Variants in RCOR3 observed in about 807,000 individuals in gnomAD.
RCOR3 encodes REST corepressor 3.
In RCOR3, 13 loss-of-function variants were observed where a neutral mutation model predicts 64.1. The ratio of observed to expected loss-of-function variants is 0.20; its 90% CI spans 0.13 to 0.32. The LOEUF (loss-of-function observed/expected upper bound fraction) is 0.32. Ranked by LOEUF, RCOR3 falls within the 10% of genes least tolerant of loss-of-function variation. The pLI is 1.00. For synonymous variants in RCOR3, 215 were observed against 239.0 expected, an observed-to-expected ratio of 0.90 and a Z score of 0.93; for missense variants, 489 against 701.2, an observed-to-expected ratio of 0.70 and a Z score of 3.42.
intron 9 of RCOR3, among the ~76,000 whole-genome samples, chr1:211,298,573 G>A (rs1049823626): frequency 6.6e-6 from 1 of 152,144 alleles, no homozygotes; most frequent in Non-Finnish European, 1.5e-5. Context: ...TTCTCAAAAA[G>A]CATATTGTCT....
intron 10 of RCOR3, among the ~76,000 whole-genome samples, chr1:211,308,781 G>A (rs563559395): frequency 5.0e-5 from 7 of 139,914 alleles, no homozygotes; most frequent in African/African-American, 1.3e-4. Context: ...TCAGTATCTC[G>A]GCTCACTGCA....
At chr1:211,259,938 C>T in intron 1 of RCOR3, 170 bp from the exon 2 acceptor site, 2 of 1,307,790 alleles carry the variant, frequency 1.5e-6, no homozygotes, top group Non-Finnish European at 9.9e-7. Flanking sequence ...CCCCCCGCTC[C>T]CCGCCCCCAA....
In RCOR3 at chr1:211,259,472, C is replaced by CTCG; in HGVS notation, c.-88_-87insCGT. The CTCG allele has an allele frequency of 7.3e-7, 1 of 1,372,650 alleles. No individual in the cohort carries two copies. Among genetic ancestry groups the CTCG allele is most frequent in the South Asian group, 1.3e-5 (1 of 74,212 alleles). 85.0% of individuals were successfully genotyped at this position (1,372,650 alleles called of 1,614,324 possible). ...CCGCCGCCGTCTCCTCCTCCTCCTC[C>CTCG]TTTCCCTCCCGCCCGCGCTCTAAGC... On this transcript the variant is annotated 5_prime_UTR_variant, in exon 1 of 12. Transcript: ENST00000419091.
intron 7 of RCOR3, among the ~76,000 whole-genome samples, chr1:211,286,094 C>T (rs977442866): frequency 1.3e-5 from 2 of 152,050 alleles, no homozygotes; most frequent in Non-Finnish European, 1.5e-5. Context: ...TACAGCTGGG[C>T]GTATGTATTA....
At chr1:211,286,065 A>G (rs572451967) in intron 7 of RCOR3, among the ~76,000 whole-genome samples, 138 of 152,290 alleles carry the variant, frequency 9.1e-4, no homozygotes, top group African/African-American at 3.2e-3. Context: ...CATGTTAAGT[A>G]TGTGTCTTAT....
At chr1:211,281,274 A>AT (rs1449979938) in intron 7 of RCOR3, among the ~76,000 whole-genome samples, 1 of 151,970 alleles carries the variant, frequency 6.6e-6, no homozygotes, top group Non-Finnish European at 1.5e-5. Flanking sequence ...TTGTGTCTCA[A>AT]TTTTAGTGGC....
chr1:211,283,467 G>A (rs1172962627), intron 7 of RCOR3, among the ~76,000 whole-genome samples: 1 of 152,164 alleles, frequency 6.6e-6, no homozygotes, highest in African/African-American at 2.4e-5. Flanking sequence ...ACTAGACTGT[G>A]AGAATACCCA....
chr1:211,264,173 CTT>C (rs1431300620), intron 2 of RCOR3, among the ~76,000 whole-genome samples: 5 of 152,284 alleles, frequency 3.3e-5, no homozygotes, highest in African/African-American at 4.8e-5. Flanking sequence ...GCTCCTCTCT[CTT>C]CTCTTTCTCA....
chr1:211,299,335 C>A (rs902964794), intron 9 of RCOR3, among the ~76,000 whole-genome samples: 1 of 152,120 alleles, frequency 6.6e-6, no homozygotes, highest in Non-Finnish European at 1.5e-5. Flanking sequence ...GAGGGTGTCG[C>A]TGGCATGTCT....
At chr1:211,293,761 A>G (rs1289683458) in intron 8 of RCOR3, among the ~76,000 whole-genome samples, 2 of 152,114 alleles carry the variant, frequency 1.3e-5, no homozygotes, top group Admixed American at 1.3e-4. Context: ...CTACCCTTGA[A>G]CCATCCTAGA....
Position 211,274,253 on chromosome 1 carries a change from T to G in RCOR3, c.345T>G (p.Asn115Lys), listed in dbSNP as rs1571842988. The change falls in exon 4 of 12, where the codon AAT (asparagine) becomes AAG (lysine). Residue 115 changes from asparagine (N) to lysine (K), a missense_variant. Asn to Lys is a moderately conservative substitution (Grantham distance 94). This residue lies in a region of RCOR3 where 402 missense variants were observed against 617.0 expected (regional missense o/e 0.65). Coordinates refer to ENST00000419091, the MANE Select transcript of RCOR3 (RefSeq NM_001136223.3). ...IAIAKEKHGY[N>K]VEQALGMLFW... ...TTGCAAAGGAAAAGCATGGCTACAATGTGGAACAGGTATGTAGAGAAACAC... is the reference window on the plus strand; with the variant it reads ...TTGCAAAGGAAAAGCATGGCTACAAGGTGGAACAGGTATGTAGAGAAACAC... 6.2e-7 allele frequency: 1 copy of G among 1,601,944 alleles called. No individual in the cohort carries two copies. Among genetic ancestry groups the G allele is most frequent in the Non-Finnish European group, 8.5e-7 (1 of 1,169,624 alleles).
At chr1:211,262,577 T>C (rs1218713043) in intron 2 of RCOR3, among the ~76,000 whole-genome samples, 1 of 152,174 alleles carries the variant, frequency 6.6e-6, no homozygotes, top group African/African-American at 2.4e-5. Context: ...CCCCAGTGGG[T>C]AGATTTCTGA....
rs772717378 is a variant in RCOR3 at position 211,297,200 on chromosome 1, TA to T, written c.1017+1451del. On this transcript the variant is annotated intron_variant, in intron 9 of 11. Transcript: ENST00000419091. The stretch of plus-strand genomic sequence containing the variant: ...GATAATTCTAATCTCATATTTTCCA[TA>T]AAATTATAGGACAGTCTCACTCATT... Among the ~76,000 whole-genome samples the T allele has an allele frequency of 9.8e-5, 15 of 152,288 alleles. No individual in the cohort carries two copies. The South Asian group carries it at 1.0e-3, about 11-fold the overall frequency.
intron 5 of RCOR3, among the ~76,000 whole-genome samples, chr1:211,277,493 T>C (rs1220805968): frequency 1.3e-5 from 2 of 152,180 alleles, no homozygotes; most frequent in African/African-American, 4.8e-5. Context: ...AACAAAGTTA[T>C]TCAGAAAAAT....
At chr1:211,300,181 C>T (rs1437358893) in intron 9 of RCOR3, among the ~76,000 whole-genome samples, 1 of 151,322 alleles carries the variant, frequency 6.6e-6, no homozygotes, top group Non-Finnish European at 1.5e-5. Flanking sequence ...GGTGACTCTC[C>T]CACCTCAGCC....
chr1:211,313,279 A>C lies in RCOR3; in HGVS notation c.1318-145A>C. 7.0e-7 allele frequency: 1 copy of C among 1,436,032 alleles called. No homozygotes were observed. The highest frequency in any genetic ancestry group is 9.1e-7 in the Non-Finnish European group (1 of 1,100,046). 89.0% of individuals were successfully genotyped at this position (1,436,032 alleles called of 1,614,324 possible). ...GGTTTTGTTTTGTTTAAAATAAAAG[A>C]AGCTTGTGCTTCCAATAAACACTGG... On this transcript the variant is annotated intron_variant, in intron 11 of 11. Transcript: ENST00000419091. The surrounding 1 kb of genome is among the most constrained non-coding windows in gnomAD (Gnocchi z 4.7).
chr1:211,292,163 A>G (rs111974961), intron 8 of RCOR3, among the ~76,000 whole-genome samples: 3 of 152,106 alleles, frequency 2.0e-5, no homozygotes, highest in Admixed American at 6.5e-5. Flanking sequence ...AATGTTTGAC[A>G]CTGTCAGCCA....
intron 2 of RCOR3, among the ~76,000 whole-genome samples, chr1:211,262,870 CT>C (rs202136688): frequency 0.52 from 74,875 of 143,094 alleles, 21,846 homozygotes; most frequent in Non-Finnish European, 0.65. Flanking sequence ...TTTTAAACAA[CT>C]TTTTTTTTTT....
chr1:211,296,155 A>C (rs12729996), intron 9 of RCOR3, among the ~76,000 whole-genome samples: 17,779 of 152,182 alleles, frequency 0.12, 1,153 homozygotes, highest in South Asian at 0.2. Context: ...AGATTATTTT[A>C]ACGAATTTTT....
Sources: allele counts gnomAD v4.1 joint callset (sites outside exome capture counted in the v4.1 genomes callset), GRCh38; gene constraint gnomAD v4.1.1; regional missense constraint gnomAD v4.1.1; non-coding constraint Gnocchi (gnomAD v3.1); transcripts MANE v1.5; gene names NCBI Gene and HGNC (gene_info 2026-07-23, HGNC 2026-07-21).